Variants in TBL2 observed in about 807,000 individuals in gnomAD.
The protein encoded by TBL2 is transducin beta like 2.
In TBL2, 33 loss-of-function variants were observed where a neutral mutation model predicts 41.8. That is an observed-to-expected ratio of 0.79 (90% CI 0.60 to 1.06). TBL2 has a LOEUF of 1.06. Ranked by LOEUF, TBL2 falls within the 50% of genes least tolerant of loss-of-function variation. The probability of loss-of-function intolerance (pLI) is 0.00; values close to 1 mark genes in which losing one functional copy is unlikely to be tolerated. For synonymous variants in TBL2, 239 were observed against 241.7 expected (o/e 0.99, Z 0.10); for missense variants, 522 against 603.8 (o/e 0.86, Z 1.42).
At chr7:73,574,623 C>T in intron 1 of TBL2, 110 bp from the exon 2 acceptor site, 1 of 1,483,086 alleles carries the variant, frequency 6.7e-7, no homozygotes, top group Non-Finnish European at 9.3e-7. Flanking sequence ...CCAGATATGG[C>T]CCTTGTCTTC....
Position 73,574,526 on chromosome 7 carries a change from G to C in TBL2, c.131-13C>G. 2 of 1,614,162 alleles carry C rather than the reference G, an allele frequency of 1.2e-6. No homozygotes were observed. The highest frequency in any genetic ancestry group is 1.7e-6 in the Non-Finnish European group (2 of 1,180,026). ...TTTGCTTTTTGGCCTATAAGGAAGG[G>C]CCATGTTGTTCTCCAGTTACTCACT... On this transcript the variant is annotated splice_polypyrimidine_tract_variant and intron_variant, in intron 1 of 6. Coordinates refer to ENST00000305632, the MANE Select transcript of TBL2 (RefSeq NM_012453.4).
In TBL2 at chr7:73,570,010, T is replaced by C. The variant is rs1554586963; in HGVS notation, c.*497A>G. The C allele has an allele frequency of 6.5e-6, 1 of 154,198 alleles. No homozygotes were observed. The highest frequency in any genetic ancestry group is 1.4e-5 in the Non-Finnish European group (1 of 69,488). 9.6% of individuals were successfully genotyped at this position (154,198 alleles called of 1,614,324 possible). A position where few individuals can be genotyped will look rare whatever the true frequency, so the allele number is the denominator to read the frequency against. On this transcript the variant is annotated 3_prime_UTR_variant, in exon 7 of 7. Transcript: ENST00000305632. ...TCACAGAGAGGATTATTCTCCATCTTACAAATAGAACTGAGGCCCAGAAGG... is the reference window on the plus strand; with the variant it reads ...TCACAGAGAGGATTATTCTCCATCTCACAAATAGAACTGAGGCCCAGAAGG...
rs373164299 is a variant in TBL2, at chr7:73,578,563, C to A, written c.-14G>T. ...CGAGAGCTCCATGTTGGTGGAACCA[C>A]TGCCACCTCAGCTAGTGAGTACGCG... On this transcript the variant is annotated 5_prime_UTR_variant, in exon 1 of 7. Transcript: ENST00000305632. 1.3e-6 allele frequency: 2 copies of A among 1,585,904 alleles called. No individual in the cohort carries two copies. The highest frequency in any genetic ancestry group is 2.8e-5 in the African/African-American group (2 of 71,456).
rs1563450822 is a variant in TBL2 at position 73,573,311 on chromosome 7, G to A, written c.598+9C>T. On this transcript the variant is annotated intron_variant, in intron 4 of 6. Transcript: ENST00000305632. ...TTTGGGCAGGCGCCACCCTCTGAAT[G>A]CCTCTTACCTGTGTTAGCAATGCCA... 2.5e-6 allele frequency: 4 copies of A among 1,613,782 alleles called. No homozygotes were observed. Among genetic ancestry groups the A allele is most frequent in the Non-Finnish European group, 3.4e-6 (4 of 1,179,840 alleles).
At chr7:73,576,569 C>T in intron 1 of TBL2, 1 of 455,888 alleles carries the variant, frequency 2.2e-6, no homozygotes, top group Non-Finnish European at 4.4e-6. Flanking sequence ...GAGAAGTCAA[C>T]ATCTGTTGAG....
Position 73,568,708 on chromosome 7 carries a change from T to C in TBL2, c.*1799A>G, listed in dbSNP as rs1792745238. ...GGAGGCCAAGGGGGGTGGTGGATCA[T>C]TTGAGGTCAGGAGTTCGAGAGCAGC... On this transcript the variant is annotated 3_prime_UTR_variant, in exon 7 of 7. Coordinates refer to ENST00000305632, the MANE Select transcript of TBL2 (RefSeq NM_012453.4). Among the ~76,000 whole-genome samples, 1 of 152,002 alleles carries C rather than the reference T, an allele frequency of 6.6e-6. No homozygotes were observed. Among genetic ancestry groups the C allele is most frequent in the African/African-American group, 2.4e-5 (1 of 41,352 alleles).
chr7:73,576,254 C>T (rs966511304), intron 1 of TBL2, among the ~76,000 whole-genome samples: 3 of 150,092 alleles, frequency 2.0e-5, no homozygotes, highest in African/African-American at 7.4e-5. Context: ...GCCTCAGTCT[C>T]GATCTCCTGA....
chr7:73,578,122 A>C (rs1295988046), intron 1 of TBL2: 2 of 804,846 alleles, frequency 2.5e-6, no homozygotes, highest in Non-Finnish European at 3.7e-6. Flanking sequence ...GCGGCCACGG[A>C]GCAGGCTGAA....
intron 1 of TBL2, among the ~76,000 whole-genome samples, chr7:73,576,332 C>A (rs1482850784): frequency 1.3e-5 from 2 of 151,882 alleles, no homozygotes; most frequent in Non-Finnish European, 2.9e-5. Context: ...CATGCCCGGC[C>A]CGGCAGCTGG....
In TBL2 at chr7:73,568,583, G is replaced by A. The variant is rs898535595; in HGVS notation, c.*1924C>T. 4.6e-5 allele frequency among the ~76,000 whole-genome samples: 7 copies of A among 152,112 alleles called. No individual in the cohort carries two copies. The highest frequency in any genetic ancestry group is 8.8e-5 in the Non-Finnish European group (6 of 68,030). ...CATTCATAGCATTTAGAGGGGGGAC[G>A]AAGCCAGGTTACACAGGACCTTGCA... On this transcript the variant is annotated 3_prime_UTR_variant, in exon 7 of 7. Transcript: ENST00000305632.
Position 73,572,972 on chromosome 7 carries a change from T to A in TBL2, c.599-2A>T. ...TGGAGGCAGTCATGATAAACTTCCC[T>A]GAGCGGGAAGGGAGTGATGTGGGTC... On this transcript the variant is annotated splice_acceptor_variant, in intron 4 of 6. Transcript: ENST00000305632. LOFTEE classifies it high-confidence loss of function. The A allele has an allele frequency of 1.2e-6, 2 of 1,614,162 alleles. No individual in the cohort carries two copies. Among genetic ancestry groups the A allele is most frequent in the Non-Finnish European group, 1.7e-6 (2 of 1,180,022 alleles).
intron 5 of TBL2, 61 bp downstream of exon 5, chr7:73,572,783 G>A (rs1035942328): frequency 6.2e-7 from 1 of 1,610,966 alleles, no homozygotes; most frequent in African/African-American, 1.3e-5. Flanking sequence ...TCTCTGTTCT[G>A]TGCCTGCTCC....
Position 73,570,861 on chromosome 7 carries a change from C to T in TBL2, c.990G>A (p.Ala330=), listed in dbSNP as rs199869642. Residue 330 remains alanine (A), a synonymous_variant, in exon 7 of 7, where the codon GCG becomes GCA. Transcript: ENST00000305632. ...GGGCCAGGCGGCACGGCGCGGCACC[C>T]GCCGCCTCTTCAAAGCGGCCTGTCT... ...LLKTGRFEEA[A]GAAPCRLALS... 9.3e-6 allele frequency: 15 copies of T among 1,613,710 alleles called. No homozygotes were observed. The highest frequency in any genetic ancestry group is 1.7e-5 in the Admixed American group (1 of 60,012).
In TBL2 at chr7:73,576,227, C is replaced by T. The variant is rs540787771; in HGVS notation, c.131-1714G>A. Among the ~76,000 whole-genome samples, 8 of 145,322 alleles carry T rather than the reference C, an allele frequency of 5.5e-5. No homozygotes were observed. In the South Asian group the frequency reaches 1.3e-3, roughly 24 times the overall value. ...GATCATTTTTTTTTTTTGTTTGATA[C>T]AGAGTCTCGCTCTGTTGCCTCAGTC... On this transcript the variant is annotated intron_variant, in intron 1 of 6. Coordinates refer to ENST00000305632, the MANE Select transcript of TBL2 (RefSeq NM_012453.4).
In TBL2 at chr7:73,571,248, G is replaced by A. The variant is rs782708722; in HGVS notation, c.819C>T (p.Phe273=). ...CAGCCGCGGAGTGGCCCTTTAGTTCGAAGGCTCGCACCACCTCCTGGAACT... is the reference window on the plus strand; with the variant it reads ...CAGCCGCGGAGTGGCCCTTTAGTTCAAAGGCTCGCACCACCTCCTGGAACT... ...KGEFQEVVRA[F]ELKGHSAAVH... The change falls in exon 6 of 7, where the codon TTC becomes TTT. Residue 273 remains phenylalanine, a synonymous_variant. Coordinates refer to ENST00000305632, the MANE Select transcript of TBL2 (RefSeq NM_012453.4). 6 of 1,614,212 alleles carry A rather than the reference G, an allele frequency of 3.7e-6. No individual in the cohort carries two copies. The highest frequency in any genetic ancestry group is 2.2e-5 in the East Asian group (1 of 44,890).
intron 1 of TBL2, chr7:73,574,865 G>A (rs1337136939): frequency 2.6e-6 from 1 of 381,656 alleles, no homozygotes; most frequent in Non-Finnish European, 5.1e-6. Flanking sequence ...AATCAGACCT[G>A]GGTTTGGATT....
At chr7:73,578,355 G>T in intron 1 of TBL2, 65 bp downstream of exon 1, 1 of 1,528,862 alleles carries the variant, frequency 6.5e-7, no homozygotes, top group East Asian at 2.6e-5. Context: ...ACCGCAGGTC[G>T]GACCACGAGG....
At chr7:73,576,206 ATTT>A (rs34259591) in intron 1 of TBL2, among the ~76,000 whole-genome samples, 1 of 146,228 alleles carries the variant, frequency 6.8e-6, no homozygotes, top group Admixed American at 6.8e-5. Context: ...CTGCTGGATC[ATTT>A]TTTTTTTTTG....
At chr7:73,578,285 G>A (rs1449682500) in intron 1 of TBL2, 135 bp downstream of exon 1, 11 of 1,534,628 alleles carry the variant, frequency 7.2e-6, no homozygotes, top group Admixed American at 3.9e-5. Context: ...CGAAGCTCAC[G>A]TTACCAGAGG....
Sources: gnomAD v4.1 joint callset for allele counts (sites outside exome capture counted in the v4.1 genomes callset) on GRCh38, gnomAD v4.1.1 for gene constraint, MANE v1.5 for transcripts, NCBI Gene and HGNC (gene_info 2026-07-23, HGNC 2026-07-21) for gene names.